The following TPCN2 variants were observed in gnomAD, a reference collection of about 807,000 sequenced individuals.
TPCN2 encodes the protein two pore segment channel 2.
Under a neutral mutation model 111.4 loss-of-function variants are expected in TPCN2, and 92 were observed. The ratio of observed to expected loss-of-function variants is 0.83; its 90% CI spans 0.70 to 0.98. TPCN2 has a LOEUF of 0.98. Among genes scored for constraint, TPCN2 ranks in the 50% least tolerant of loss-of-function variants. The probability of loss-of-function intolerance (pLI) is 0.00; values close to 1 mark genes in which losing one functional copy is unlikely to be tolerated. For missense variants in TPCN2, 995 were observed against 980.1 expected (o/e 1.02, Z -0.20); for synonymous variants, 405 against 414.5 (o/e 0.98, Z 0.28).
chr11:69,055,226 C>A lies in TPCN2; in HGVS notation c.303C>A (p.Thr101=), dbSNP rs142221271. The part of the protein sequence containing the change: ...FLILFLAFIE[T]PSSLTSTADV... The stretch of plus-strand genomic sequence containing the variant: ...TCCTGTTTTTGGCTTTTATCGAGAC[C>A]CCATCCTCACTCACCAGCACGGCGG... Residue 101 remains threonine, a synonymous_variant, in exon 4 of 25, where the codon ACC becomes ACA. Transcript: ENST00000294309. The A allele has an allele frequency of 3.7e-6, 6 of 1,614,156 alleles. No homozygotes were observed. The South Asian group carries it at 5.5e-5, about 15-fold the overall frequency.
At position 69,081,439 on chromosome 11, in the gene TPCN2, G is replaced by GACCCGCATGCTGAACATGCTC; in HGVS notation, c.1631_1651dup (p.Thr544_Leu550dup). The GACCCGCATGCTGAACATGCTC allele has an allele frequency of 2.5e-6, 4 of 1,572,748 alleles. No individual in the cohort carries two copies. Among genetic ancestry groups the GACCCGCATGCTGAACATGCTC allele is most frequent in the Non-Finnish European group, 3.5e-6 (4 of 1,159,136 alleles). On this transcript the variant is annotated inframe_insertion, in exon 18 of 25. Coordinates refer to ENST00000294309, the MANE Select transcript of TPCN2 (RefSeq NM_139075.4). The stretch of plus-strand genomic sequence containing the variant: ...TGGGCCTGCTGTCGCTGTGGGACAT[G>GACCCGCATGCTGAACATGCTC]ACCCGCATGCTGAACATGCTCATCG...
Position 69,063,974 on chromosome 11 carries a change from C to T in TPCN2, c.726+7C>T. On this transcript the variant is annotated splice_region_variant and intron_variant, in intron 7 of 24. Transcript: ENST00000294309. ...GCTGTTCGCTGGTGGGAAGGTAGGG[C>T]ACCCGTGGTCAGGGTCTGGGAATGG... 1 of 1,613,784 alleles carries T rather than the reference C, an allele frequency of 6.2e-7. No homozygotes were observed. Among genetic ancestry groups the T allele is most frequent in the Non-Finnish European group, 8.5e-7 (1 of 1,179,810 alleles).
chr11:69,085,790 G>A, intron 21 of TPCN2, 38 bp downstream of exon 21: 1 of 1,613,232 alleles, frequency 6.2e-7, no homozygotes, highest in Non-Finnish European at 8.5e-7. Context: ...CTGCTCCCCG[G>A]GCTCCTCCCC....
At chr11:69,079,247 G>A in intron 16 of TPCN2, 1 of 578,980 alleles carries the variant, frequency 1.7e-6, no homozygotes, top group Non-Finnish European at 2.9e-6. Flanking sequence ...TGTCATGGGG[G>A]GCAGGCTGCC....
rs765644692 is a variant in TPCN2, at chr11:69,078,489, C to T, written c.1238C>T (p.Pro413Leu). 31 of 1,613,966 alleles carry T rather than the reference C, an allele frequency of 1.9e-5. No homozygotes were observed. Among genetic ancestry groups the T allele is most frequent in the Middle Eastern group, 1.6e-4 (1 of 6,084 alleles). ...CGTGTGTTCCTTGCCCAGCACCCGC[C>T]GAGGCCCGAGTACCAGTCTCCGTTT... ...LDRSVVKEHP[P>L]RPEYQSPFLQ... The change falls in exon 14 of 25, where the codon CCG becomes CTG. Residue 413 changes from proline to leucine, a missense_variant. Physicochemically the swap from Pro to Leu is moderately conservative, Grantham distance 98. Transcript: ENST00000294309.
In TPCN2 at chr11:69,052,637, C is replaced by G. The variant is rs113241674; in HGVS notation, c.110-1396C>G. On this transcript the variant is annotated intron_variant, in intron 1 of 24. Transcript: ENST00000294309. The stretch of plus-strand genomic sequence containing the variant: ...CCGGTCTCCTGCCTCTGTCTGGGGC[C>G]CCTCACACCTCTAATCCGTCCAGGG... Among the ~76,000 whole-genome samples, 25 of 152,214 alleles carry G rather than the reference C, an allele frequency of 1.6e-4. 1 individual carries two copies. The highest frequency in any genetic ancestry group is 6.0e-4 in the African/African-American group (25 of 41,538).
intron 12 of TPCN2, 84 bp from the exon 13 acceptor site, chr11:69,072,831 G>A (rs1855594731): frequency 2.6e-6 from 4 of 1,523,312 alleles, no homozygotes; most frequent in South Asian, 1.1e-5. Context: ...GCCCGTCAGG[G>A]TGGGGTTGGG....
At chr11:69,087,844 C>T in intron 24 of TPCN2, 31 bp from the exon 25 acceptor site, 1 of 1,582,372 alleles carries the variant, frequency 6.3e-7, no homozygotes, top group Non-Finnish European at 8.7e-7. Flanking sequence ...CCTTTAGAGG[C>T]CCCTGTGTGC....
chr11:69,080,207 C>T (rs1010006703), intron 17 of TPCN2, among the ~76,000 whole-genome samples: 4 of 152,230 alleles, frequency 2.6e-5, no homozygotes, highest in African/African-American at 9.6e-5. Context: ...CAGAGATGCC[C>T]CTGGCTCAGG....
intron 4 of TPCN2, among the ~76,000 whole-genome samples, chr11:69,056,176 C>G (rs7927394): frequency 0.85 from 129,419 of 152,262 alleles, 57,139 homozygotes; most frequent in Non-Finnish European, 0.99. Flanking sequence ...GGCTGCAGCC[C>G]TCCTCAGCGC....
At chr11:69,074,377 A>C (rs1345459413) in intron 13 of TPCN2, among the ~76,000 whole-genome samples, 1 of 152,240 alleles carries the variant, frequency 6.6e-6, no homozygotes, top group Non-Finnish European at 1.5e-5. Context: ...TGGCAGTTTG[A>C]ATATTCACGC....
At chr11:69,051,229 C>T (rs2134507283) in intron 1 of TPCN2, among the ~76,000 whole-genome samples, 1 of 152,332 alleles carries the variant, frequency 6.6e-6, no homozygotes, top group East Asian at 1.9e-4. Flanking sequence ...CCTGATGGGG[C>T]CGGGGTCAAA....
At chr11:69,059,527 T>C (rs1854926997) in intron 5 of TPCN2, among the ~76,000 whole-genome samples, 1 of 152,268 alleles carries the variant, frequency 6.6e-6, no homozygotes, top group Admixed American at 6.5e-5. Context: ...AAGTGGCCTC[T>C]GGTTCAGAGC....
rs1855897968 is a variant in TPCN2, at chr11:69,078,891, G to T, written c.1411-1G>T. 1.2e-6 allele frequency: 2 copies of T among 1,613,944 alleles called. No individual in the cohort carries two copies. On this transcript the variant is annotated splice_acceptor_variant, in intron 15 of 24. Transcript: ENST00000294309. LOFTEE classifies it high-confidence loss of function. ...CTGGGTGCCTCTTCTGCCCCTTTCA[G>T]ATTCTCAACTGCGTCTTCATTGTGT...
rs1350572732 is a variant in TPCN2 at position 69,054,069 on chromosome 11, C to T, written c.146C>T (p.Ala49Val). Residue 49 changes from alanine to valine, a missense_variant, in exon 2 of 25, where the codon GCT becomes GTT. Physicochemically the swap from Ala to Val is moderately conservative, Grantham distance 64. Transcript: ENST00000294309. ...AGGTGGGACCTCTGCATTGATCAGG[C>T]TGTGGTCTTCATCGAAGATGCTATT... ...AARWDLCIDQ[A>V]VVFIEDAIQY... is the part of the protein sequence containing the mutation. The T allele has an allele frequency of 6.2e-7, 1 of 1,613,802 alleles. No homozygotes were observed. The highest frequency in any genetic ancestry group is 8.5e-7 in the Non-Finnish European group (1 of 1,179,972).
Position 69,071,932 on chromosome 11 carries a change from C to T in TPCN2, c.970C>T (p.Gln324Ter), listed in dbSNP as rs369199583. Residue 324 changes from glutamine to a stop codon, truncating the protein, a stop_gained, in exon 11 of 25, where the codon CAG (glutamine) becomes TAG (stop). Coordinates refer to ENST00000294309, the MANE Select transcript of TPCN2 (RefSeq NM_139075.4). LOFTEE classifies it high-confidence loss of function. ...QFRGYLMKSL[Q>*]TSLFRRRLGT... ...GCCTTCCTCTTTGCAGAAATCTCTC[C>T]AGACCTCGCTGTTTCGGAGGCGGCT... 4.3e-6 allele frequency: 7 copies of T among 1,613,956 alleles called. No homozygotes were observed. Among genetic ancestry groups the T allele is most frequent in the Admixed American group, 3.3e-5 (2 of 59,992 alleles).
chr11:69,052,147 C>T (rs1019957581), intron 1 of TPCN2, among the ~76,000 whole-genome samples: 5 of 152,104 alleles, frequency 3.3e-5, no homozygotes, highest in Non-Finnish European at 7.4e-5. Context: ...GATGGCTGGC[C>T]TGGGTGGATG....
At chr11:69,052,709 G>A (rs1219279756) in intron 1 of TPCN2, among the ~76,000 whole-genome samples, 1 of 152,206 alleles carries the variant, frequency 6.6e-6, no homozygotes, top group Non-Finnish European at 1.5e-5. Context: ...CCCGAGGACA[G>A]GGGCAGCTGC....
intron 4 of TPCN2, among the ~76,000 whole-genome samples, chr11:69,056,473 G>A (rs920757827): frequency 2.3e-4 from 35 of 152,218 alleles, no homozygotes; most frequent in Non-Finnish European, 3.4e-4. Context: ...TTTGAGAAGT[G>A]TCAAAAGGTG....
Sources: allele counts gnomAD v4.1 joint callset (sites outside exome capture counted in the v4.1 genomes callset), GRCh38; gene constraint gnomAD v4.1.1; transcripts MANE v1.5; gene names NCBI Gene and HGNC (gene_info 2026-07-23, HGNC 2026-07-21).